The following EIF2AK4 variants were observed in gnomAD, a reference collection of about 807,000 sequenced individuals.
EIF2AK4 encodes eukaryotic translation initiation factor 2 alpha kinase 4.
EIF2AK4 carries 139 observed loss-of-function variants against 211.1 expected under a neutral mutation model. The ratio of observed to expected loss-of-function variants is 0.66; its 90% confidence interval spans 0.57 to 0.76. EIF2AK4 has a LOEUF of 0.76. Among genes scored for constraint, EIF2AK4 ranks in the 30% least tolerant of loss-of-function variants. EIF2AK4 has a pLI of 0.00. For missense variants in EIF2AK4, 1,664 were observed against 2,043.8 expected, an observed-to-expected ratio of 0.81 and a Z score of 3.58; for synonymous variants, 710 against 751.3, an observed-to-expected ratio of 0.94 and a Z score of 0.90.
chr15:39,937,607 GT>G lies in EIF2AK4; in HGVS notation c.145-1890del, dbSNP rs891426687. On this transcript the variant is annotated intron_variant, in intron 1 of 38. Transcript: ENST00000263791. ...TTTTTTTCTTTTATGGTCCCTGTGG[GT>G]TTTTTTTCCCCCTCTGTTCCAATGT... 1.5e-4 allele frequency among the ~76,000 whole-genome samples: 23 copies of G among 151,648 alleles called. 1 individual carries two copies. Among genetic ancestry groups the G allele is most frequent in the Admixed American group, 6.6e-4 (10 of 15,224 alleles).
intron 6 of EIF2AK4, among the ~76,000 whole-genome samples, chr15:39,957,480 G>A (rs575797511): frequency 3.3e-5 from 5 of 152,192 alleles, no homozygotes; most frequent in Non-Finnish European, 7.4e-5. Flanking sequence ...TTCTCATTCA[G>A]TTCTCCCCTC....
intron 7 of EIF2AK4, among the ~76,000 whole-genome samples, chr15:39,962,301 T>C (rs550947122): frequency 4.5e-4 from 68 of 152,340 alleles, no homozygotes; most frequent in African/African-American, 1.5e-3. Flanking sequence ...TCTTGGAATA[T>C]TATTAACATA....
chr15:39,986,029 A>T, intron 14 of EIF2AK4, 141 bp downstream of exon 14: 1 of 705,432 alleles, frequency 1.4e-6, no homozygotes, highest in Non-Finnish European at 2.3e-6. Context: ...GAGGATTACC[A>T]TATGGAGGCC....
chr15:39,950,981 A>G (rs928051620), intron 4 of EIF2AK4, among the ~76,000 whole-genome samples: 6 of 152,290 alleles, frequency 3.9e-5, no homozygotes, highest in Non-Finnish European at 8.8e-5. Flanking sequence ...CCCCCCATTT[A>G]TATTAAAAAT....
chr15:39,975,443 T>A (rs1311367071), intron 11 of EIF2AK4: 1 of 152,264 alleles, frequency 6.6e-6, no homozygotes, highest in Non-Finnish European at 1.5e-5. Context: ...TATTCTGTTT[T>A]GTGTTTTGTA....
At chr15:39,989,382 A>C (rs939818401) in intron 15 of EIF2AK4, among the ~76,000 whole-genome samples, 1 of 152,206 alleles carries the variant, frequency 6.6e-6, no homozygotes, top group African/African-American at 2.4e-5. Flanking sequence ...TAATTTACAC[A>C]TGTGTAGTTT....
rs1253070722 is a variant in EIF2AK4, at chr15:39,955,669, A to C, written c.644A>C (p.Lys215Thr). The stretch of plus-strand genomic sequence containing the variant: ...TCAAACCAAGATCATACCTCTAAGA[A>C]GGACCCAGGAGGACACAGAACGGCT... ...SLSNQDHTSK[K>T]DPGGHRTAAI... The change falls in exon 6 of 39, where the codon AAG becomes ACG. Residue 215 changes from lysine to threonine, a missense_variant. Transcript: ENST00000263791. 1 of 1,612,218 alleles carries C rather than the reference A, an allele frequency of 6.2e-7. No individual in the cohort carries two copies. Among genetic ancestry groups the C allele is most frequent in the Non-Finnish European group, 8.5e-7 (1 of 1,179,546 alleles).
In EIF2AK4 at chr15:39,979,373, A is replaced by G. The variant is rs1260875950; in HGVS notation, c.2319+1226A>G. 2.6e-5 allele frequency among the ~76,000 whole-genome samples: 4 copies of G among 152,226 alleles called. No individual in the cohort carries two copies. In the East Asian group the frequency reaches 5.8e-4, roughly 22 times the overall value. On this transcript the variant is annotated intron_variant, in intron 13 of 38. Coordinates refer to ENST00000263791, the MANE Select transcript of EIF2AK4 (RefSeq NM_001013703.4). ...AAATGCACATGTGATAGAATGGAGC[A>G]CAATGGAAGATTCATAAAACATGCT...
At chr15:39,961,746 A>G (rs1190066596) in intron 6 of EIF2AK4, 38 bp from the exon 7 acceptor site, 8 of 1,507,426 alleles carry the variant, frequency 5.3e-6, no homozygotes, top group South Asian at 3.5e-5. Context: ...AAAATGAAAA[A>G]TGATTGTTCA....
chr15:39,935,004 C>T (rs1426674079), intron 1 of EIF2AK4, among the ~76,000 whole-genome samples: 2 of 152,058 alleles, frequency 1.3e-5, no homozygotes, highest in Admixed American at 1.3e-4. Context: ...CTGGGCCACA[C>T]ACAAAATACA....
intron 12 of EIF2AK4, chr15:39,977,097 G>T: frequency 2.5e-6 from 1 of 401,096 alleles, no homozygotes; most frequent in South Asian, 1.0e-4. Context: ...GGGAAAAGGG[G>T]ATTCATTTAG....
At chr15:39,959,959 C>T (rs112702133) in intron 6 of EIF2AK4, among the ~76,000 whole-genome samples, 2,611 of 152,024 alleles carry the variant, frequency 0.017, 81 homozygotes, top group African/African-American at 0.06. Context: ...GTCAGGAGAT[C>T]GAGACCAGCC....
intron 6 of EIF2AK4, among the ~76,000 whole-genome samples, chr15:39,958,400 T>C (rs2034421422): frequency 6.6e-6 from 1 of 152,222 alleles, no homozygotes; most frequent in African/African-American, 2.4e-5. Context: ...GTTTTCCCTA[T>C]TCTAAAGCCA....
chr15:39,966,591 A>G (rs890390347), intron 8 of EIF2AK4, among the ~76,000 whole-genome samples: 8 of 152,186 alleles, frequency 5.3e-5, no homozygotes, highest in Non-Finnish European at 1.0e-4. Context: ...ATTATGATTT[A>G]TAACCAAGCA....
intron 14 of EIF2AK4, 85 bp downstream of exon 14, chr15:39,985,973 T>G: frequency 8.2e-7 from 1 of 1,220,706 alleles, no homozygotes. Flanking sequence ...AACAAGATAA[T>G]GGACAGAGGA....
chr15:40,001,321 T>A, intron 21 of EIF2AK4, 97 bp downstream of exon 21: 6 of 1,228,100 alleles, frequency 4.9e-6, no homozygotes, highest in Non-Finnish European at 6.9e-6. Flanking sequence ...CTAACATAAG[T>A]TCTTATGTGA....
chr15:39,963,866 C>T (rs2034506318), intron 7 of EIF2AK4, among the ~76,000 whole-genome samples: 1 of 152,152 alleles, frequency 6.6e-6, no homozygotes, highest in Admixed American at 6.5e-5. Context: ...GAAATGCCTG[C>T]CTAGTCCCAA....
intron 25 of EIF2AK4, among the ~76,000 whole-genome samples, chr15:40,009,400 C>T (rs2035206944): frequency 6.6e-6 from 1 of 151,532 alleles, no homozygotes; most frequent in African/African-American, 2.4e-5. Flanking sequence ...AGTCTGAGTA[C>T]TTTGGATATA....
At chr15:39,996,092 C>T (rs1449600105) in intron 18 of EIF2AK4, among the ~76,000 whole-genome samples, 1 of 152,066 alleles carries the variant, frequency 6.6e-6, no homozygotes, top group Non-Finnish European at 1.5e-5. Flanking sequence ...ATTCTACATA[C>T]CAGTGAGATC....
Sources: gnomAD v4.1 joint callset for allele counts (sites outside exome capture counted in the v4.1 genomes callset) on GRCh38, gnomAD v4.1.1 for gene constraint, MANE v1.5 for transcripts, NCBI Gene and HGNC (gene_info 2026-07-23, HGNC 2026-07-21) for gene names.